The following RHPN2 variants were observed in gnomAD, a reference collection of about 807,000 sequenced individuals.
The protein encoded by RHPN2 is rhophilin-2.
Under a neutral mutation model 79.0 loss-of-function variants are expected in RHPN2, and 40 were observed. That is an observed-to-expected ratio of 0.51 (90% CI 0.39 to 0.66). The LOEUF is 0.66. Ranked by LOEUF, RHPN2 falls within the 30% of genes least tolerant of loss-of-function variation. The pLI is 0.00. For missense variants in RHPN2, 686 were observed against 883.5 expected, an observed-to-expected ratio of 0.78 and a Z score of 2.83; for synonymous variants, 285 against 363.5, an observed-to-expected ratio of 0.78 and a Z score of 2.46.
intron 7 of RHPN2, among the ~76,000 whole-genome samples, chr19:33,004,189 C>T (rs1388011381): frequency 2.0e-5 from 3 of 152,088 alleles, no homozygotes; most frequent in African/African-American, 7.2e-5. Flanking sequence ...CAGCCATGTG[C>T]CACCCTACAC....
rs976846861 is a variant in RHPN2 at position 33,064,861 on chromosome 19, C to T, written c.-9G>A. ...AACAGCGCGTCGGTCATGCTAGCGG[C>T]GCGGGCGCGGAGGGCGGACGGCGGA... On this transcript the variant is annotated 5_prime_UTR_variant, in exon 1 of 15. Transcript: ENST00000254260. The T allele has an allele frequency of 4.0e-6, 6 of 1,493,086 alleles. No individual in the cohort carries two copies. The African/African-American group carries it at 7.3e-5, about 18-fold the overall frequency. 92.5% of individuals were successfully genotyped at this position (1,493,086 alleles called of 1,614,324 possible). A position where few individuals can be genotyped will look rare whatever the true frequency, so the allele number is the denominator to read the frequency against.
chr19:33,057,917 T>C (rs1464854348), intron 1 of RHPN2, among the ~76,000 whole-genome samples: 1 of 152,064 alleles, frequency 6.6e-6, no homozygotes, highest in African/African-American at 2.4e-5. Context: ...CCCAGCACTT[T>C]GGGAGGCCAA....
At chr19:33,001,901 G>A (rs1300155648) in intron 9 of RHPN2, among the ~76,000 whole-genome samples, 3 of 152,166 alleles carry the variant, frequency 2.0e-5, no homozygotes, top group African/African-American at 7.2e-5. Context: ...ACAGCACCTG[G>A]CCTGCATTAA....
intron 2 of RHPN2, among the ~76,000 whole-genome samples, chr19:33,029,929 AC>A (rs1971998079): frequency 6.6e-6 from 1 of 152,184 alleles, no homozygotes; most frequent in South Asian, 2.1e-4. Flanking sequence ...AATGCCATCT[AC>A]CAGGGAAGCT....
At chr19:33,021,840 C>A (rs111825821) in intron 3 of RHPN2, among the ~76,000 whole-genome samples, 194 bp from the exon 4 acceptor site, 1,969 of 152,268 alleles carry the variant, frequency 0.013, 18 homozygotes, top group Middle Eastern at 0.024. Flanking sequence ...AAACTGACCC[C>A]GCTCCCTAAG....
Position 33,041,178 on chromosome 19 carries a change from G to A in RHPN2, c.185+3071C>T, listed in dbSNP as rs186330646. On this transcript the variant is annotated intron_variant, in intron 2 of 14. Coordinates refer to ENST00000254260, the MANE Select transcript of RHPN2 (RefSeq NM_033103.5). ...CCCCATTTCCATTCCTGCATTTCTG[G>A]GGACACCTCCAAACATCCCCCACCC... Among the ~76,000 whole-genome samples, 4 of 152,128 alleles carry A rather than the reference G, an allele frequency of 2.6e-5. No homozygotes were observed. In the East Asian group the frequency reaches 7.8e-4, roughly 29 times the overall value.
At chr19:33,045,808 T>TA (rs200196006) in intron 1 of RHPN2, among the ~76,000 whole-genome samples, 3 of 151,216 alleles carry the variant, frequency 2.0e-5, no homozygotes, top group African/African-American at 4.9e-5. Context: ...TTCATCAGCC[T>TA]AAAAAAAAAG....
intron 1 of RHPN2, among the ~76,000 whole-genome samples, chr19:33,046,142 C>T (rs1957977044): frequency 6.6e-6 from 1 of 152,124 alleles, no homozygotes; most frequent in Non-Finnish European, 1.5e-5. Flanking sequence ...CACTTTTTGA[C>T]TATTACGAAT....
intron 3 of RHPN2, among the ~76,000 whole-genome samples, chr19:33,021,998 T>C (rs958004693): frequency 6.6e-6 from 1 of 152,122 alleles, no homozygotes; most frequent in Non-Finnish European, 1.5e-5. Context: ...TGGAGTGCAA[T>C]GGCGCAATCT....
intron 3 of RHPN2, among the ~76,000 whole-genome samples, chr19:33,022,214 C>G (rs912831634): frequency 6.6e-6 from 1 of 152,154 alleles, no homozygotes; most frequent in Non-Finnish European, 1.5e-5. Context: ...TCCCAATGTG[C>G]TGGGATGACG....
At chr19:33,025,636 C>A (rs1052814515) in intron 3 of RHPN2, among the ~76,000 whole-genome samples, 1 of 152,258 alleles carries the variant, frequency 6.6e-6, no homozygotes, top group Non-Finnish European at 1.5e-5. Flanking sequence ...GTGGCCTCCC[C>A]TTACAGGGTC....
intron 2 of RHPN2, 121 bp from the exon 3 acceptor site, chr19:33,026,753 G>C: frequency 3.3e-6 from 4 of 1,210,580 alleles, no homozygotes; most frequent in East Asian, 5.0e-5. Flanking sequence ...GGAGGGCCAG[G>C]AGTGTCGGTT....
At chr19:32,983,436 A>G (rs933736204) in intron 14 of RHPN2, among the ~76,000 whole-genome samples, 17 of 151,648 alleles carry the variant, frequency 1.1e-4, no homozygotes, top group Non-Finnish European at 1.9e-4. Context: ...GGCATGAACC[A>G]GGAGGTGGAG....
intron 10 of RHPN2, among the ~76,000 whole-genome samples, chr19:32,998,832 G>A (rs1287170496): frequency 4.5e-5 from 6 of 133,434 alleles, no homozygotes; most frequent in Non-Finnish European, 6.5e-5. Flanking sequence ...AAGGGTGAGG[G>A]GAGGAGAGGA....
intron 4 of RHPN2, among the ~76,000 whole-genome samples, chr19:33,015,909 G>T (rs1393884730): frequency 6.6e-6 from 1 of 151,990 alleles, no homozygotes; most frequent in Non-Finnish European, 1.5e-5. Flanking sequence ...AATTAGCTGG[G>T]TATAGTGGCA....
intron 4 of RHPN2, among the ~76,000 whole-genome samples, chr19:33,013,196 C>CAAAAACA (rs976646638): frequency 1.2e-4 from 9 of 74,344 alleles, no homozygotes; most frequent in African/African-American, 7.3e-4. Flanking sequence ...TTTAAAAAAA[C>CAAAAACA]AAAAACAAAA....
intron 4 of RHPN2, among the ~76,000 whole-genome samples, chr19:33,015,513 T>A (rs1256320947): frequency 6.6e-6 from 1 of 151,418 alleles, no homozygotes; most frequent in Non-Finnish European, 1.5e-5. Flanking sequence ...TTAGCCTAAT[T>A]CCAAACATTC....
intron 14 of RHPN2, among the ~76,000 whole-genome samples, chr19:32,982,028 G>T (rs1407372141): frequency 6.6e-6 from 1 of 152,074 alleles, no homozygotes; most frequent in Admixed American, 6.6e-5. Context: ...TTCGCCACAT[G>T]TTTATTGATG....
chr19:33,050,468 C>T (rs1001707035), intron 1 of RHPN2, among the ~76,000 whole-genome samples: 4 of 152,092 alleles, frequency 2.6e-5, no homozygotes, highest in Non-Finnish European at 4.4e-5. Context: ...TATAAACCTG[C>T]GTAACCATCA....
Sources: allele counts gnomAD v4.1 joint callset (sites outside exome capture counted in the v4.1 genomes callset), GRCh38; gene constraint gnomAD v4.1.1; transcripts MANE v1.5; gene names NCBI Gene and HGNC (gene_info 2026-07-23, HGNC 2026-07-21).